Variants in ZSWIM6 observed in about 807,000 individuals in gnomAD.
ZSWIM6 encodes the protein zinc finger SWIM domain-containing protein 6.
A neutral mutation model predicts 113.2 loss-of-function variants in ZSWIM6; 9 were observed. The ratio of observed to expected loss-of-function variants is 0.08; its 90% CI spans 0.05 to 0.14. The LOEUF is 0.14. Ranked by LOEUF, ZSWIM6 falls within the 10% of genes least tolerant of loss-of-function variation. The pLI, the probability that ZSWIM6 is intolerant of heterozygous loss-of-function variation, is 1.00. For missense variants in ZSWIM6, 1,162 were observed against 1,552.2 expected (o/e 0.75, Z 4.22); for synonymous variants, 611 against 606.5 (o/e 1.01, Z -0.11).
At chr5:61,355,431 A>AACACACAAAC (rs1744879429) in intron 1 of ZSWIM6, among the ~76,000 whole-genome samples, 4 of 127,684 alleles carry the variant, frequency 3.1e-5, no homozygotes, top group South Asian at 2.8e-4. Context: ...GAGACTTTAA[A>AACACACAAAC]ACACACACAC....
At chr5:61,365,225 G>C (rs1745126099) in intron 1 of ZSWIM6, among the ~76,000 whole-genome samples, 1 of 152,078 alleles carries the variant, frequency 6.6e-6, no homozygotes, top group African/African-American at 2.4e-5. Context: ...GGTGGCAGGT[G>C]CTTGTAGTCC....
At chr5:61,542,032 G>A in intron 13 of ZSWIM6, 67 bp downstream of exon 13, 3 of 1,390,284 alleles carry the variant, frequency 2.2e-6, no homozygotes, top group Non-Finnish European at 3.0e-6. Context: ...GTCAGTTACA[G>A]ACATGTGAAC....
Position 61,525,815 on chromosome 5 carries a change from C to T in ZSWIM6, c.1529C>T (p.Pro510Leu). 6.4e-7 allele frequency: 1 copy of T among 1,551,638 alleles called. No homozygotes were observed. Among genetic ancestry groups the T allele is most frequent in the Non-Finnish European group, 8.7e-7 (1 of 1,146,948 alleles). The change falls in exon 6 of 14, where the codon CCA (proline) becomes CTA (leucine). Residue 510 changes from proline (P) to leucine (L), a missense_variant. Physicochemically the swap from Pro to Leu is moderately conservative, Grantham distance 98. This residue lies in a region of ZSWIM6 where 620 missense variants were observed against 804.6 expected (regional missense o/e 0.77). Coordinates refer to ENST00000252744, the MANE Select transcript of ZSWIM6 (RefSeq NM_020928.2). ...ANANQDSSNR[P>L]HRTVFTRAIE... ...GAAAAAACAGATTCATCGAACAGGC[C>T]ACATCGGACAGTGTTCACCCGAGCC...
intron 1 of ZSWIM6, among the ~76,000 whole-genome samples, chr5:61,425,780 G>A (rs1292095527): frequency 6.6e-6 from 1 of 152,154 alleles, no homozygotes; most frequent in Non-Finnish European, 1.5e-5. Context: ...AAAAGCACTG[G>A]GCTTATAAAA....
intron 1 of ZSWIM6, among the ~76,000 whole-genome samples, chr5:61,364,452 C>CA (rs1246527532): frequency 6.6e-6 from 1 of 151,766 alleles, no homozygotes; most frequent in African/African-American, 2.4e-5. Flanking sequence ...AAAAAAAAAT[C>CA]AAAAGAATAA....
At position 61,411,165 on chromosome 5, in the gene ZSWIM6, G is replaced by T. The variant is rs555793553; in HGVS notation, c.677-61516G>T. ...AGTGATTTGAGTGTGTATTTAGAATGAGGTTTCCTTTCTTTGTTTTTGCCA... is the reference window on the plus strand; with the variant it reads ...AGTGATTTGAGTGTGTATTTAGAATTAGGTTTCCTTTCTTTGTTTTTGCCA... On this transcript the variant is annotated intron_variant, in intron 1 of 13. Transcript: ENST00000252744. Among the ~76,000 whole-genome samples, 4 of 152,270 alleles carry T rather than the reference G, an allele frequency of 2.6e-5. No individual in the cohort carries two copies. The South Asian group carries it at 8.3e-4, about 32-fold the overall frequency.
At chr5:61,524,239 A>G (rs1580061826) in intron 5 of ZSWIM6, among the ~76,000 whole-genome samples, 1 of 152,064 alleles carries the variant, frequency 6.6e-6, no homozygotes, top group Admixed American at 6.6e-5. Context: ...AAAAGCCCCA[A>G]TAGATTCAAA....
chr5:61,374,640 G>A (rs982323757), intron 1 of ZSWIM6, among the ~76,000 whole-genome samples: 2 of 152,120 alleles, frequency 1.3e-5, no homozygotes, highest in East Asian at 1.9e-4. Context: ...TGCAAGCTCC[G>A]CCTCCCGGGT....
At chr5:61,425,988 T>C (rs1207939337) in intron 1 of ZSWIM6, among the ~76,000 whole-genome samples, 1 of 152,208 alleles carries the variant, frequency 6.6e-6, no homozygotes, top group African/African-American at 2.4e-5. Flanking sequence ...GATAGCTATC[T>C]TTCTTCCTAT....
intron 11 of ZSWIM6, 64 bp from the exon 12 acceptor site, chr5:61,539,532 G>C: frequency 6.7e-7 from 1 of 1,489,842 alleles, no homozygotes; most frequent in Admixed American, 2.3e-5. Context: ...TATGATTTTT[G>C]TTTATTTGTT....
At chr5:61,428,055 A>G (rs1046499945) in intron 1 of ZSWIM6, among the ~76,000 whole-genome samples, 1 of 152,100 alleles carries the variant, frequency 6.6e-6, no homozygotes, top group Admixed American at 6.6e-5. Flanking sequence ...GCTCTTGGAC[A>G]GGTTAGGTAT....
intron 1 of ZSWIM6, among the ~76,000 whole-genome samples, chr5:61,393,108 T>A (rs1485196019): frequency 6.6e-6 from 1 of 151,268 alleles, no homozygotes; most frequent in Non-Finnish European, 1.5e-5. Context: ...GGTGCGATCT[T>A]GGCTCACTGC....
chr5:61,400,460 G>A (rs991955933), intron 1 of ZSWIM6, among the ~76,000 whole-genome samples: 1 of 152,324 alleles, frequency 6.6e-6, no homozygotes, highest in South Asian at 2.1e-4. Flanking sequence ...GGCATGCTAA[G>A]AAGGTTTAAA....
At position 61,395,242 on chromosome 5, in the gene ZSWIM6, A is replaced by G. The variant is rs370974478; in HGVS notation, c.676+62294A>G. 1.9e-4 allele frequency among the ~76,000 whole-genome samples: 29 copies of G among 152,036 alleles called. 1 individual carries two copies. The East Asian group carries it at 2.5e-3, about 13-fold the overall frequency. On this transcript the variant is annotated intron_variant, in intron 1 of 13. Transcript: ENST00000252744. The stretch of plus-strand genomic sequence containing the variant: ...TGTGTAACTTCTCAGTGCTAAGACA[A>G]CTTATCTAGGTGGTCCAACTTGGTG...
intron 1 of ZSWIM6, among the ~76,000 whole-genome samples, chr5:61,434,295 A>G (rs915422959): frequency 6.6e-6 from 1 of 150,718 alleles, no homozygotes; most frequent in African/African-American, 2.4e-5. Context: ...ACAGTTACTT[A>G]AAGTTTTTTT....
intron 1 of ZSWIM6, among the ~76,000 whole-genome samples, chr5:61,393,341 C>T (rs1028687944): frequency 3.3e-5 from 5 of 152,054 alleles, no homozygotes; most frequent in African/African-American, 4.8e-5. Context: ...CCACTGCACC[C>T]GGCCTCTCAA....
intron 4 of ZSWIM6, among the ~76,000 whole-genome samples, chr5:61,495,045 TAATG>T (rs1304418558): frequency 2.0e-5 from 3 of 152,164 alleles, no homozygotes; most frequent in Non-Finnish European, 4.4e-5. Flanking sequence ...GCTAGGGAAA[TAATG>T]AATGATGTAT....
chr5:61,477,691 C>G (rs1747741244), intron 2 of ZSWIM6, among the ~76,000 whole-genome samples: 1 of 152,196 alleles, frequency 6.6e-6, no homozygotes, highest in South Asian at 2.1e-4. Flanking sequence ...TATTAGCAAA[C>G]AAACAAGCAA....
chr5:61,490,909 A>G lies in ZSWIM6; in HGVS notation c.1157A>G (p.Lys386Arg), dbSNP rs1278992925. The part of the protein sequence containing the change: ...LSQGGYHGSG[K>R]QLNLLFAKVR... Reference sequence around the variant, plus strand: ...CAGGGCGGGTACCACGGATCAGGGAAGCAGCTTAATTTGCTCTTTGCAAAG... The same window carrying G: ...CAGGGCGGGTACCACGGATCAGGGAGGCAGCTTAATTTGCTCTTTGCAAAG... The change falls in exon 3 of 14, where the codon AAG becomes AGG. Residue 386 changes from lysine to arginine, a missense_variant. Transcript: ENST00000252744. 3 of 1,537,250 alleles carry G rather than the reference A, an allele frequency of 2.0e-6. No homozygotes were observed. The highest frequency in any genetic ancestry group is 4.9e-5 in the East Asian group (2 of 40,416).
Sources: gnomAD v4.1 joint callset for allele counts (sites outside exome capture counted in the v4.1 genomes callset) on GRCh38, gnomAD v4.1.1 for gene constraint, gnomAD v4.1.1 regional missense constraint, MANE v1.5 for transcripts, NCBI Gene and HGNC (gene_info 2026-07-23, HGNC 2026-07-21) for gene names.